Variants in LRBA observed in about 807,000 individuals in gnomAD.
The protein encoded by LRBA is LPS responsive beige-like anchor protein, also known as lipopolysaccharide-responsive and beige-like anchor protein.
LRBA carries 176 observed loss-of-function variants against 330.0 expected under a neutral mutation model. The observed-to-expected ratio is 0.53, with a 90% CI of 0.47 to 0.60. LRBA has a LOEUF of 0.60. Among genes scored for constraint, LRBA ranks in the 20% least tolerant of loss-of-function variants. The probability of loss-of-function intolerance (pLI) is 0.00; values close to 1 mark genes in which losing one functional copy is unlikely to be tolerated. For missense variants in LRBA, 3,259 were observed against 3,444.8 expected, an observed-to-expected ratio of 0.95 and a Z score of 1.35; for synonymous variants, 1,230 against 1,193.0, an observed-to-expected ratio of 1.03 and a Z score of -0.64.
intron 40 of LRBA, among the ~76,000 whole-genome samples, chr4:150,543,477 C>T (rs546143916): frequency 1.3e-4 from 20 of 152,162 alleles, no homozygotes; most frequent in East Asian, 3.9e-4. Context: ...ATTTTCTTGA[C>T]GCAGAAGAGG....
intron 44 of LRBA, among the ~76,000 whole-genome samples, chr4:150,448,442 G>A (rs1226168071): frequency 1.3e-5 from 2 of 152,120 alleles, no homozygotes; most frequent in Non-Finnish European, 2.9e-5. Flanking sequence ...CCTCTTCAAC[G>A]AGAGATGGTA....
chr4:150,708,521 A>G (rs1785859870), intron 36 of LRBA, among the ~76,000 whole-genome samples: 1 of 151,844 alleles, frequency 6.6e-6, no homozygotes, highest in Non-Finnish European at 1.5e-5. Flanking sequence ...TCTTAAACAC[A>G]AAGAAAATGG....
At chr4:150,506,607 C>T (rs1761123463) in intron 40 of LRBA, among the ~76,000 whole-genome samples, 2 of 152,110 alleles carry the variant, frequency 1.3e-5, no homozygotes, top group South Asian at 4.1e-4. Flanking sequence ...TATAACAAAC[C>T]CACAGCCAAT....
rs968181661 is a variant in LRBA at position 150,850,895 on chromosome 4, C to T, written c.3833G>A (p.Arg1278Lys). 1 of 1,605,138 alleles carries T rather than the reference C, an allele frequency of 6.2e-7. No homozygotes were observed. The change falls in exon 24 of 57, where the codon AGG (arginine) becomes AAG (lysine). Residue 1278 changes from arginine to lysine, a missense_variant. Arg to Lys is a conservative substitution (Grantham distance 26). Coordinates refer to ENST00000651943, the MANE Select transcript of LRBA (RefSeq NM_001364905.1). Reference protein sequence around the residue: ...QPHRHVLEISRQHEQPGQGIA... With the variant: ...QPHRHVLEISKQHEQPGQGIA... The stretch of plus-strand genomic sequence containing the variant: ...TCCTTGCCCTGGCTGCTCATGTTGC[C>T]TTGATATCTAATACAGAAATTTAAA...
chr4:150,765,778 A>C (rs1735689030), intron 34 of LRBA, among the ~76,000 whole-genome samples: 1 of 152,212 alleles, frequency 6.6e-6, no homozygotes, highest in East Asian at 1.9e-4. Flanking sequence ...CATCATTTAG[A>C]TTTTATTTTC....
At position 150,599,138 on chromosome 4, in the gene LRBA, T is replaced by C. The variant is rs1405363540; in HGVS notation, c.5922-7A>G. Reference sequence around the variant, plus strand: ...CCAGAACTCAAGAGGACGACTACAATGAAACAGAGAAGCCACATATGTTAG... The same window carrying C: ...CCAGAACTCAAGAGGACGACTACAACGAAACAGAGAAGCCACATATGTTAG... On this transcript the variant is annotated splice_polypyrimidine_tract_variant and splice_region_variant and intron_variant, in intron 37 of 56. Transcript: ENST00000651943. The C allele has an allele frequency of 1.9e-6, 3 of 1,613,402 alleles. No individual in the cohort carries two copies. Among genetic ancestry groups the C allele is most frequent in the South Asian group, 2.2e-5 (2 of 91,030 alleles).
intron 34 of LRBA, among the ~76,000 whole-genome samples, chr4:150,792,051 AG>A (rs1740020579): frequency 2.7e-5 from 4 of 149,982 alleles, no homozygotes; most frequent in Non-Finnish European, 1.5e-5. Context: ...AAAAAAAAAA[AG>A]AAGGCTTATT....
intron 46 of LRBA, among the ~76,000 whole-genome samples, chr4:150,430,328 A>G (rs558138523): frequency 3.9e-5 from 6 of 152,134 alleles, no homozygotes; most frequent in Middle Eastern, 3.2e-3. Flanking sequence ...CACAAAATCT[A>G]TTCATGTCAC....
At chr4:150,922,328 C>T (rs1032148206) in intron 4 of LRBA, among the ~76,000 whole-genome samples, 2 of 151,026 alleles carry the variant, frequency 1.3e-5, no homozygotes, top group African/African-American at 4.9e-5. Flanking sequence ...CAGCACAATT[C>T]ACAATTGCAA....
intron 36 of LRBA, among the ~76,000 whole-genome samples, chr4:150,715,618 A>G (rs6834834): frequency 0.7 from 107,045 of 152,082 alleles, 42,694 homozygotes; most frequent in Non-Finnish European, 0.9. Context: ...TTAAATATGT[A>G]TATTTTATTT....
At chr4:150,376,789 T>C (rs1741403876) in intron 47 of LRBA, among the ~76,000 whole-genome samples, 1 of 152,126 alleles carries the variant, frequency 6.6e-6, no homozygotes, top group Non-Finnish European at 1.5e-5. Flanking sequence ...CCGGGTGTTT[T>C]TGTTTTGTTT....
chr4:150,642,385 T>C (rs893668373), intron 37 of LRBA, among the ~76,000 whole-genome samples: 2 of 151,938 alleles, frequency 1.3e-5, no homozygotes, highest in East Asian at 1.9e-4. Flanking sequence ...CTTTCTTTTA[T>C]GAAAGAAAAG....
At chr4:150,990,557 G>A (rs765559416) in intron 2 of LRBA, among the ~76,000 whole-genome samples, 19 of 151,454 alleles carry the variant, frequency 1.3e-4, no homozygotes, top group African/African-American at 2.2e-4. Context: ...ACAAAACCCC[G>A]TCTCTACAAA....
intron 37 of LRBA, among the ~76,000 whole-genome samples, chr4:150,623,380 C>T (rs1392799445): frequency 1.3e-5 from 2 of 151,902 alleles, no homozygotes; most frequent in Non-Finnish European, 1.5e-5. Flanking sequence ...AAATTAGAAG[C>T]CAGCTAAATG....
At chr4:150,876,814 C>T (rs1754081045) in intron 17 of LRBA, among the ~76,000 whole-genome samples, 1 of 152,126 alleles carries the variant, frequency 6.6e-6, no homozygotes, top group South Asian at 2.1e-4. Flanking sequence ...AATTACAAAG[C>T]AACCAGCTAA....
chr4:150,556,078 C>G (rs1301279928), intron 40 of LRBA, among the ~76,000 whole-genome samples: 1 of 151,930 alleles, frequency 6.6e-6, no homozygotes, highest in Admixed American at 6.6e-5. Flanking sequence ...GCTGGGACTA[C>G]AGGTATGAGC....
At chr4:150,286,104 C>T in intron 53 of LRBA, 70 bp from the exon 54 acceptor site, 1 of 1,064,062 alleles carries the variant, frequency 9.4e-7, no homozygotes, top group Non-Finnish European at 1.4e-6. Flanking sequence ...CAACAACTTG[C>T]TCCTAATTTC....
At chr4:150,507,157 G>A (rs1395799190) in intron 40 of LRBA, among the ~76,000 whole-genome samples, 3 of 151,368 alleles carry the variant, frequency 2.0e-5, no homozygotes, top group Non-Finnish European at 4.4e-5. Context: ...ACTGCCCAAG[G>A]TAATTTATAG....
At chr4:150,560,758 G>A (rs956671538) in intron 40 of LRBA, among the ~76,000 whole-genome samples, 15 of 152,090 alleles carry the variant, frequency 9.9e-5, no homozygotes, top group Admixed American at 2.6e-4. Context: ...AGGCCGAGGC[G>A]GGCAGATCAC....
Sources: allele counts gnomAD v4.1 joint callset (sites outside exome capture counted in the v4.1 genomes callset), GRCh38; gene constraint gnomAD v4.1.1; transcripts MANE v1.5; gene names NCBI Gene and HGNC (gene_info 2026-07-23, HGNC 2026-07-21).